The following MAGI1 variants were observed in gnomAD, a reference collection of about 807,000 sequenced individuals.
MAGI1 encodes the protein membrane-associated guanylate kinase, WW and PDZ domain-containing protein 1.
In MAGI1, 58 loss-of-function variants were observed where a neutral mutation model predicts 139.9. The ratio of observed to expected loss-of-function variants is 0.41; its 90% CI spans 0.34 to 0.52. MAGI1 has a LOEUF of 0.52. Among genes scored for constraint, MAGI1 ranks in the 20% least tolerant of loss-of-function variants. The pLI is 0.12. For missense variants in MAGI1, 1,874 were observed against 1,901.6 expected (o/e 0.99, Z 0.27); for synonymous variants, 812 against 737.9 (o/e 1.10, Z -1.63).
chr3:65,670,437 T>C (rs763062695), intron 1 of MAGI1, among the ~76,000 whole-genome samples: 5 of 152,044 alleles, frequency 3.3e-5, no homozygotes, highest in Admixed American at 6.6e-5. Context: ...TCTGAGTTAT[T>C]TGAATTCCTG....
At chr3:65,485,789 G>T (rs1951588180) in intron 3 of MAGI1, among the ~76,000 whole-genome samples, 1 of 152,132 alleles carries the variant, frequency 6.6e-6, no homozygotes, top group Non-Finnish European at 1.5e-5. Context: ...TAAAGAAACT[G>T]ATATTTACAC....
chr3:65,878,463 C>T, intron 1 of MAGI1, among the ~76,000 whole-genome samples: 1 of 147,922 alleles, frequency 6.8e-6, no homozygotes, highest in East Asian at 2.0e-4. Context: ...TTGCAGTGAG[C>T]CAAGATTGCG....
chr3:65,652,928 G>A (rs1455979563), intron 1 of MAGI1, among the ~76,000 whole-genome samples: 1 of 152,070 alleles, frequency 6.6e-6, no homozygotes, highest in Non-Finnish European at 1.5e-5. Flanking sequence ...TATAGTCCTG[G>A]CCTAAGTTAC....
At chr3:65,462,320 T>G (rs1166785334) in intron 5 of MAGI1, among the ~76,000 whole-genome samples, 1 of 152,220 alleles carries the variant, frequency 6.6e-6, no homozygotes, top group Non-Finnish European at 1.5e-5. Flanking sequence ...GAGATCCAGT[T>G]TCAGTTTTCT....
At chr3:65,454,316 G>A (rs1283303679) in intron 5 of MAGI1, among the ~76,000 whole-genome samples, 18 of 151,028 alleles carry the variant, frequency 1.2e-4, no homozygotes, top group Admixed American at 1.1e-3. Flanking sequence ...TCACTCATAG[G>A]TGGGAACTGA....
intron 21 of MAGI1, 88 bp from the exon 22 acceptor site, chr3:65,361,425 T>C (rs921440131): frequency 5.2e-6 from 7 of 1,356,022 alleles, no homozygotes; most frequent in Non-Finnish European, 6.2e-6. Context: ...GAACATCTAT[T>C]GCTTTGGAGG....
intron 1 of MAGI1, among the ~76,000 whole-genome samples, chr3:65,718,227 C>G (rs77602647): frequency 0.011 from 1,672 of 152,004 alleles, 33 homozygotes; most frequent in African/African-American, 0.038. Context: ...AAGCCATGAC[C>G]GGGCATTCTA....
At chr3:66,032,911 T>C (rs1391850296) in intron 1 of MAGI1, among the ~76,000 whole-genome samples, 2 of 72,752 alleles carry the variant, frequency 2.7e-5, no homozygotes, top group African/African-American at 5.3e-5. Context: ...CGAAACTCCA[T>C]CTCAAAAAAA....
intron 1 of MAGI1, among the ~76,000 whole-genome samples, chr3:65,762,355 G>A (rs1209448520): frequency 7.2e-5 from 11 of 151,960 alleles, no homozygotes; most frequent in African/African-American, 2.4e-4. Flanking sequence ...TAGCAGAGGC[G>A]ACTTGCAAGG....
chr3:65,865,138 T>C (rs777659270), intron 1 of MAGI1, among the ~76,000 whole-genome samples: 14 of 152,152 alleles, frequency 9.2e-5, no homozygotes, highest in Non-Finnish European at 1.3e-4. Flanking sequence ...CTATATAACA[T>C]ACGATAATGT....
At chr3:65,977,633 C>T (rs2107237158) in intron 1 of MAGI1, among the ~76,000 whole-genome samples, 2 of 152,080 alleles carry the variant, frequency 1.3e-5, no homozygotes. Context: ...ATCACTTGAA[C>T]CCGGGTGGCA....
intron 5 of MAGI1, among the ~76,000 whole-genome samples, chr3:65,466,852 C>A (rs1432610882): frequency 6.6e-6 from 1 of 152,226 alleles, no homozygotes; most frequent in Non-Finnish European, 1.5e-5. Flanking sequence ...AGCTCCTAGT[C>A]CCACAGCCTG....
At chr3:65,391,092 A>G in intron 14 of MAGI1, 50 bp downstream of exon 14, 3 of 1,472,540 alleles carry the variant, frequency 2.0e-6, no homozygotes, top group Non-Finnish European at 1.9e-6. Context: ...AGAGAAAGGT[A>G]GAGCCCTGCG....
At chr3:65,633,021 T>C (rs2107170288) in intron 1 of MAGI1, among the ~76,000 whole-genome samples, 1 of 152,294 alleles carries the variant, frequency 6.6e-6, no homozygotes, top group Non-Finnish European at 1.5e-5. Context: ...ACCCCAGGAC[T>C]TGATAGAATT....
chr3:65,479,906 T>G (rs1311146819), intron 3 of MAGI1, among the ~76,000 whole-genome samples: 2 of 152,086 alleles, frequency 1.3e-5, no homozygotes, highest in African/African-American at 4.8e-5. Flanking sequence ...AGCGGCTACA[T>G]AATAAAAGAC....
At chr3:65,838,647 A>G (rs1363424995) in intron 1 of MAGI1, among the ~76,000 whole-genome samples, 3 of 152,228 alleles carry the variant, frequency 2.0e-5, no homozygotes, top group Non-Finnish European at 4.4e-5. Flanking sequence ...GTTGTAGCAC[A>G]CTTTAGTTGT....
intron 1 of MAGI1, among the ~76,000 whole-genome samples, chr3:65,759,455 C>T (rs143704326): frequency 2.6e-5 from 4 of 152,304 alleles, no homozygotes; most frequent in Non-Finnish European, 5.9e-5. Flanking sequence ...TTACTGGGAT[C>T]TCAGGACAAT....
intron 2 of MAGI1, among the ~76,000 whole-genome samples, chr3:65,497,638 C>CA: frequency 6.6e-6 from 1 of 152,062 alleles, no homozygotes; most frequent in Non-Finnish European, 1.5e-5. Context: ...ATAGTCTTGC[C>CA]AAACTAGACA....
chr3:65,422,925 G>A (rs750321208), intron 12 of MAGI1, among the ~76,000 whole-genome samples: 62 of 152,226 alleles, frequency 4.1e-4, no homozygotes, highest in South Asian at 1.0e-3. Context: ...TCTGACATGA[G>A]GAACTGCCTT....
Sources: gnomAD v4.1 joint callset for allele counts (sites outside exome capture counted in the v4.1 genomes callset) on GRCh38, gnomAD v4.1.1 for gene constraint, MANE v1.5 for transcripts, NCBI Gene and HGNC (gene_info 2026-07-23, HGNC 2026-07-21) for gene names.